GPC3: variants seen among roughly 807,000 people sequenced by gnomAD.
GPC3 encodes the protein glypican 3.
A neutral mutation model predicts 34.4 loss-of-function variants in GPC3; 3 were observed. The observed-to-expected ratio is 0.09, with a 90% confidence interval of 0.04 to 0.23. The LOEUF (loss-of-function observed/expected upper bound fraction) is 0.23. Ranked by LOEUF, GPC3 falls within the 10% of genes least tolerant of loss-of-function variation. The pLI is 1.00. For missense variants in GPC3, 351 were observed against 445.6 expected (o/e 0.79, Z 1.91); for synonymous variants, 177 against 174.0 (o/e 1.02, Z -0.13).
At chrX:133,767,962 G>A (rs764571937) in intron 2 of GPC3, among the ~76,000 whole-genome samples, 88 of 109,027 alleles carry the variant, frequency 8.1e-4, no homozygotes, top group African/African-American at 2.7e-3. Flanking sequence ...AGGGTGGCGG[G>A]GTGGGGGGGT....
At chrX:133,907,755 C>T (rs985967480) in intron 2 of GPC3, among the ~76,000 whole-genome samples, 1 of 111,053 alleles carries the variant, frequency 9.0e-6, no homozygotes, top group Non-Finnish European at 1.9e-5. Flanking sequence ...TTTTCTCCCC[C>T]CTGTATTCAG....
intron 7 of GPC3, among the ~76,000 whole-genome samples, chrX:133,550,735 G>A (rs899372842): frequency 1.8e-5 from 2 of 111,971 alleles, no homozygotes; most frequent in African/African-American, 6.5e-5. Context: ...ACTAACTGAT[G>A]ATTTCCTTAG....
intron 1 of GPC3, among the ~76,000 whole-genome samples, chrX:133,978,033 A>T (rs2076523755): frequency 8.9e-6 from 1 of 111,846 alleles, no homozygotes; most frequent in Non-Finnish European, 1.9e-5. Context: ...CCCAGGTTCA[A>T]GCGATTCTCC....
chrX:133,967,725 C>T (rs1412368791), intron 1 of GPC3, among the ~76,000 whole-genome samples: 1 of 112,179 alleles, frequency 8.9e-6, no homozygotes, highest in African/African-American at 3.2e-5. Flanking sequence ...ACCTCTCAAG[C>T]TCAAGCGATC....
At chrX:133,735,788 C>T (rs1177886987) in intron 3 of GPC3, among the ~76,000 whole-genome samples, 2 of 108,579 alleles carry the variant, frequency 1.8e-5, no homozygotes, top group African/African-American at 6.7e-5. Context: ...CATGGTAAAA[C>T]CTCATCTCTA....
intron 3 of GPC3, among the ~76,000 whole-genome samples, chrX:133,700,811 G>A (rs745930287): frequency 5.4e-5 from 6 of 111,183 alleles, no homozygotes; most frequent in African/African-American, 9.8e-5. Context: ...GGGAGGTCAC[G>A]GCTGCAGTGA....
At chrX:133,707,609 A>C (rs1387744009) in intron 3 of GPC3, among the ~76,000 whole-genome samples, 4 of 111,532 alleles carry the variant, frequency 3.6e-5, no homozygotes, top group African/African-American at 1.3e-4. Context: ...TCTGAAAATA[A>C]GAATCATAAG....
At chrX:133,910,584 GTTAT>G (rs1234443769) in intron 2 of GPC3, among the ~76,000 whole-genome samples, 1 of 111,635 alleles carries the variant, frequency 9.0e-6, no homozygotes, top group Non-Finnish European at 1.9e-5. Flanking sequence ...ACCTTGTACT[GTTAT>G]TTAACTATTT....
intron 2 of GPC3, among the ~76,000 whole-genome samples, chrX:133,867,129 C>T (rs374082763): frequency 7.3e-5 from 8 of 109,539 alleles, no homozygotes; most frequent in East Asian, 2.9e-4. Flanking sequence ...ACCCAGGTGG[C>T]GAAGGTTGCA....
chrX:133,671,099 C>T (rs2070822515), intron 5 of GPC3: 2 of 737,787 alleles, frequency 2.7e-6, no homozygotes, highest in Non-Finnish European at 4.2e-6. Context: ...TTTAGAGTGC[C>T]TAAGACAGGA....
intron 6 of GPC3, among the ~76,000 whole-genome samples, chrX:133,623,710 G>A (rs1448780673): frequency 9.0e-6 from 1 of 111,161 alleles, no homozygotes; most frequent in African/African-American, 3.3e-5. Context: ...AATAATAATG[G>A]GAGACTTTAA....
chrX:133,962,611 C>T (rs753948932), intron 1 of GPC3, among the ~76,000 whole-genome samples: 45 of 112,042 alleles, frequency 4.0e-4, no homozygotes, highest in Admixed American at 7.6e-4. Context: ...AGTTGGGATG[C>T]AGAATCTTCT....
intron 4 of GPC3, among the ~76,000 whole-genome samples, chrX:133,694,616 A>G (rs2071096056): frequency 9.1e-6 from 1 of 110,300 alleles, no homozygotes; most frequent in Non-Finnish European, 1.9e-5. Flanking sequence ...TCTACGGGAA[A>G]CAATGGCCCT....
chrX:133,969,733 T>C (rs189266180), intron 1 of GPC3, among the ~76,000 whole-genome samples: 86 of 111,134 alleles, frequency 7.7e-4, no homozygotes, highest in African/African-American at 2.6e-3. Context: ...TAAAAAGAAA[T>C]AAAAATAGTA....
At chrX:133,898,595 G>A (rs772760879) in intron 2 of GPC3, among the ~76,000 whole-genome samples, 2 of 112,002 alleles carry the variant, frequency 1.8e-5, no homozygotes, top group East Asian at 5.6e-4. Context: ...TTGAGTTTTG[G>A]TCATGCAGGC....
chrX:133,568,219 C>T (rs947060191), intron 7 of GPC3, among the ~76,000 whole-genome samples: 3 of 112,060 alleles, frequency 2.7e-5, no homozygotes, highest in African/African-American at 9.7e-5. Context: ...GTGACAGACA[C>T]AAAAGATCAC....
chrX:133,699,624 G>A (rs907399498), intron 4 of GPC3, among the ~76,000 whole-genome samples: 5 of 111,956 alleles, frequency 4.5e-5, no homozygotes, highest in Non-Finnish European at 9.4e-5. Context: ...AAACAATTTT[G>A]CTTAATCAAT....
chrX:133,951,040 T>A (rs1268169516), intron 2 of GPC3, among the ~76,000 whole-genome samples: 5 of 80,512 alleles, frequency 6.2e-5, no homozygotes, highest in Non-Finnish European at 7.2e-5. Flanking sequence ...TCCCCACAAT[T>A]CAAGAAAGTG....
chrX:133,850,167 A>AT (rs1172211369), intron 2 of GPC3, among the ~76,000 whole-genome samples: 5 of 53,496 alleles, frequency 9.3e-5, no homozygotes, highest in East Asian at 1.1e-3. Flanking sequence ...TTTGTGGGGT[A>AT]TTTTTTTTGT....
Sources: gnomAD v4.1 joint callset for allele counts (sites outside exome capture counted in the v4.1 genomes callset) on GRCh38, gnomAD v4.1.1 for gene constraint, MANE v1.5 for transcripts, NCBI Gene and HGNC (gene_info 2026-07-23, HGNC 2026-07-21) for gene names.